Variants in LRRC4C observed in about 807,000 individuals in gnomAD.
The protein encoded by LRRC4C is leucine rich repeat containing 4C, also known as leucine-rich repeat-containing protein 4C.
LRRC4C carries 5 observed loss-of-function variants against 33.6 expected under a neutral mutation model. The ratio of observed to expected loss-of-function variants is 0.15; its 90% confidence interval spans 0.08 to 0.31. The LOEUF (loss-of-function observed/expected upper bound fraction) is 0.31, where lower values mean the gene tolerates loss of function less well. Ranked by LOEUF, LRRC4C falls within the 10% of genes least tolerant of loss-of-function variation. The probability of loss-of-function intolerance (pLI) is 1.00; values close to 1 mark genes in which losing one functional copy is unlikely to be tolerated. For missense variants in LRRC4C, 560 were observed against 796.7 expected (o/e 0.70, Z 3.58); for synonymous variants, 329 against 302.0 (o/e 1.09, Z -0.93).
At chr11:40,799,684 G>A (rs1950964475) in intron 2 of LRRC4C, among the ~76,000 whole-genome samples, 1 of 152,132 alleles carries the variant, frequency 6.6e-6, no homozygotes, top group South Asian at 2.1e-4. Flanking sequence ...TGGCCAGGCT[G>A]GTCTTGAATT....
At chr11:40,233,999 CATCTT>C (rs1865381884) in intron 5 of LRRC4C, among the ~76,000 whole-genome samples, 1 of 152,174 alleles carries the variant, frequency 6.6e-6, no homozygotes, top group African/African-American at 2.4e-5. Flanking sequence ...TCACTACACT[CATCTT>C]ATATATGAAC....
At chr11:41,008,627 A>G (rs1048389772) in intron 1 of LRRC4C, among the ~76,000 whole-genome samples, 2 of 152,092 alleles carry the variant, frequency 1.3e-5, no homozygotes, top group African/African-American at 4.8e-5. Context: ...TCCTAATCTC[A>G]GCACCATTAA....
chr11:40,972,457 G>A (rs933001369), intron 1 of LRRC4C, among the ~76,000 whole-genome samples: 5 of 152,056 alleles, frequency 3.3e-5, no homozygotes, highest in Non-Finnish European at 7.4e-5. Flanking sequence ...AATGTGAGAA[G>A]GACATGAGAT....
intron 1 of LRRC4C, among the ~76,000 whole-genome samples, chr11:41,335,493 T>C (rs748028885): frequency 6.6e-6 from 1 of 152,202 alleles, no homozygotes; most frequent in Non-Finnish European, 1.5e-5. Context: ...TTTTGTAACA[T>C]TAACCATTGC....
At chr11:40,501,557 A>G (rs950917433) in intron 3 of LRRC4C, among the ~76,000 whole-genome samples, 5 of 152,210 alleles carry the variant, frequency 3.3e-5, no homozygotes, top group African/African-American at 1.2e-4. Context: ...AAAGCTGCCA[A>G]GGCTTGGGGC....
chr11:40,844,335 T>A (rs908484856), intron 2 of LRRC4C, among the ~76,000 whole-genome samples: 5 of 152,186 alleles, frequency 3.3e-5, no homozygotes, highest in Non-Finnish European at 5.9e-5. Context: ...AAAATAGTAA[T>A]GTTATTTCCA....
At chr11:40,665,209 C>A (rs979208574) in intron 2 of LRRC4C, among the ~76,000 whole-genome samples, 6 of 149,320 alleles carry the variant, frequency 4.0e-5, no homozygotes, top group African/African-American at 1.5e-4. Context: ...TCCCCTTTAC[C>A]TTATTCCTAG....
At chr11:41,250,180 C>A (rs189197958) in intron 1 of LRRC4C, among the ~76,000 whole-genome samples, 1 of 151,928 alleles carries the variant, frequency 6.6e-6, no homozygotes, top group South Asian at 2.1e-4. Context: ...AAAAACAAAA[C>A]AAACAAACAA....
chr11:40,631,927 A>C (rs1022759223), intron 3 of LRRC4C, among the ~76,000 whole-genome samples: 5 of 152,196 alleles, frequency 3.3e-5, no homozygotes, highest in Non-Finnish European at 5.9e-5. Flanking sequence ...ACTTAAAACT[A>C]TCAATGAAAC....
At chr11:41,284,297 T>C (rs1949757587) in intron 1 of LRRC4C, among the ~76,000 whole-genome samples, 1 of 152,190 alleles carries the variant, frequency 6.6e-6, no homozygotes, top group African/African-American at 2.4e-5. Context: ...TGAAAGTGCG[T>C]TTTACATAGA....
intron 5 of LRRC4C, among the ~76,000 whole-genome samples, chr11:40,170,552 A>G (rs1235869318): frequency 6.6e-6 from 1 of 152,234 alleles, no homozygotes; most frequent in Non-Finnish European, 1.5e-5. Context: ...GAAAAAGATA[A>G]TAAAAGAGAG....
chr11:40,921,991 T>C (rs1381603475), intron 2 of LRRC4C, among the ~76,000 whole-genome samples: 1 of 152,164 alleles, frequency 6.6e-6, no homozygotes, highest in Admixed American at 6.6e-5. Context: ...TAAGGACAAA[T>C]GGCAGTGTCT....
chr11:41,129,203 T>A (rs930126570), intron 1 of LRRC4C, among the ~76,000 whole-genome samples: 2 of 151,870 alleles, frequency 1.3e-5, no homozygotes, highest in Admixed American at 6.6e-5. Flanking sequence ...TATAATTAGG[T>A]CTCTCGTTCT....
chr11:40,687,462 GATC>G, intron 2 of LRRC4C, among the ~76,000 whole-genome samples: 1 of 151,908 alleles, frequency 6.6e-6, no homozygotes, highest in Non-Finnish European at 1.5e-5. Context: ...TGATGGTCAT[GATC>G]ATATTTTAAT....
intron 3 of LRRC4C, among the ~76,000 whole-genome samples, chr11:40,589,321 A>G (rs1267899237): frequency 6.6e-6 from 1 of 151,274 alleles, no homozygotes; most frequent in Non-Finnish European, 1.5e-5. Context: ...TTTGTTTTCC[A>G]TTTGCTTGGT....
chr11:41,226,530 T>C (rs1947542206), intron 1 of LRRC4C, among the ~76,000 whole-genome samples: 1 of 152,158 alleles, frequency 6.6e-6, no homozygotes, highest in Admixed American at 6.6e-5. Context: ...CTTATCACTG[T>C]CAGTACTCAG....
In LRRC4C at chr11:41,108,100, A is replaced by T. The variant is rs563811943; in HGVS notation, c.-495-174377T>A. 2.6e-5 allele frequency among the ~76,000 whole-genome samples: 4 copies of T among 152,232 alleles called. No homozygotes were observed. The South Asian group carries it at 8.3e-4, about 32-fold the overall frequency. On this transcript the variant is annotated intron_variant, in intron 1 of 6. Coordinates refer to ENST00000528697, the MANE Select transcript of LRRC4C (RefSeq NM_001258419.2). ...TAACATGTTAATAAAACACTTCCTG[A>T]TAAGCACTAAAGGGCTGGTTACAAG...
rs376781086 is a variant in LRRC4C, at chr11:40,707,945, T to G, written c.-406-59667A>C. Reference sequence around the variant, plus strand: ...TCTTCCTGTTTTAGTCTTGGGAGGGTGTATGTGTCCAAGAATTCATCCATT... The same window carrying G: ...TCTTCCTGTTTTAGTCTTGGGAGGGGGTATGTGTCCAAGAATTCATCCATT... On this transcript the variant is annotated intron_variant, in intron 2 of 6. Coordinates refer to ENST00000528697, the MANE Select transcript of LRRC4C (RefSeq NM_001258419.2). 1.8e-4 allele frequency among the ~76,000 whole-genome samples: 27 copies of G among 152,272 alleles called. No homozygotes were observed. The South Asian group carries it at 5.6e-3, about 32-fold the overall frequency.
At chr11:41,277,571 C>T (rs1354913690) in intron 1 of LRRC4C, among the ~76,000 whole-genome samples, 1 of 152,092 alleles carries the variant, frequency 6.6e-6, no homozygotes, top group Admixed American at 6.6e-5. Context: ...CTTACCAGGT[C>T]AGTTCACAGA....
Sources: gnomAD v4.1 joint callset for allele counts (sites outside exome capture counted in the v4.1 genomes callset) on GRCh38, gnomAD v4.1.1 for gene constraint, MANE v1.5 for transcripts, NCBI Gene and HGNC (gene_info 2026-07-23, HGNC 2026-07-21) for gene names.